Variants in DCC observed in about 807,000 individuals in gnomAD.
DCC encodes netrin receptor DCC.
Under a neutral mutation model 172.5 loss-of-function variants are expected in DCC, and 58 were observed. The ratio of observed to expected loss-of-function variants is 0.34; its 90% CI spans 0.27 to 0.42. DCC has a LOEUF of 0.42. DCC is among the 10% of genes least tolerant of loss of function. DCC has a pLI of 1.00. For synonymous variants in DCC, 709 were observed against 644.5 expected, an observed-to-expected ratio of 1.10 and a Z score of -1.52; for missense variants, 1,740 against 1,791.0, an observed-to-expected ratio of 0.97 and a Z score of 0.51.
At chr18:53,179,263 T>C in intron 9 of DCC, 147 bp downstream of exon 9, 2 of 803,976 alleles carry the variant, frequency 2.5e-6, no homozygotes, top group Non-Finnish European at 2.0e-6. Flanking sequence ...CTCGAGGACT[T>C]TTAAAAGATA....
chr18:53,009,917 A>G, intron 5 of DCC, among the ~76,000 whole-genome samples: 1 of 151,920 alleles, frequency 6.6e-6, no homozygotes, highest in East Asian at 1.9e-4. Flanking sequence ...ATTGTTGAAT[A>G]CCCAGAGTGA....
chr18:52,926,955 C>CA (rs35060059), intron 5 of DCC, among the ~76,000 whole-genome samples: 53,108 of 137,214 alleles, frequency 0.39, 10,936 homozygotes, highest in Non-Finnish European at 0.46. Context: ...GATATATACA[C>CA]TATATATGGA....
At chr18:52,771,788 TC>T (rs2037348443) in intron 2 of DCC, among the ~76,000 whole-genome samples, 1 of 151,082 alleles carries the variant, frequency 6.6e-6, no homozygotes, top group Non-Finnish European at 1.5e-5. Flanking sequence ...CTCTCTCTAG[TC>T]ACCTCTCTCA....
chr18:52,986,894 C>A (rs926967772), intron 5 of DCC, among the ~76,000 whole-genome samples: 5 of 151,676 alleles, frequency 3.3e-5, no homozygotes, highest in Non-Finnish European at 7.4e-5. Flanking sequence ...GTGATCTCAG[C>A]TCACTGCAAC....
chr18:53,522,337 C>T (rs2046408098), intron 27 of DCC, among the ~76,000 whole-genome samples: 1 of 151,666 alleles, frequency 6.6e-6, no homozygotes, highest in Admixed American at 6.6e-5. Context: ...CAGTGAAGAC[C>T]ACCTGACATT....
chr18:53,231,671 G>T (rs930277618), intron 12 of DCC, among the ~76,000 whole-genome samples: 14 of 152,056 alleles, frequency 9.2e-5, no homozygotes, highest in Non-Finnish European at 1.0e-4. Context: ...ATTTAAGGGA[G>T]TATTAATTGG....
At chr18:53,301,446 A>C (rs1327008226) in intron 12 of DCC, among the ~76,000 whole-genome samples, 1 of 151,584 alleles carries the variant, frequency 6.6e-6, no homozygotes, top group Non-Finnish European at 1.5e-5. Context: ...AAAAAAAAAA[A>C]CAAACAAAAA....
chr18:52,723,170 A>G (rs1322599479), intron 1 of DCC, among the ~76,000 whole-genome samples: 1 of 152,132 alleles, frequency 6.6e-6, no homozygotes, highest in Non-Finnish European at 1.5e-5. Context: ...TTTTGTCTGC[A>G]GTGATCTGAA....
At chr18:52,434,045 T>A (rs1333587277) in intron 1 of DCC, among the ~76,000 whole-genome samples, 2 of 152,228 alleles carry the variant, frequency 1.3e-5, no homozygotes, top group Non-Finnish European at 2.9e-5. Context: ...TTTCAATTAT[T>A]GATTAGCAGG....
Position 53,219,041 on chromosome 18 carries a change from T to C in DCC, c.1911+3444T>C, listed in dbSNP as rs1423361648. Among the ~76,000 whole-genome samples the C allele has an allele frequency of 2.0e-5, 3 of 152,136 alleles. 1 individual carries two copies. Among genetic ancestry groups the C allele is most frequent in the Admixed American group, 6.6e-5 (1 of 15,254 alleles). On this transcript the variant is annotated intron_variant, in intron 12 of 28. Coordinates refer to ENST00000442544, the MANE Select transcript of DCC (RefSeq NM_005215.4). ...TCCTTTTATTAACTCTTTGAACCTGTGAAAAGTCACGTGTCTCAGTTTTAT... is the reference window on the plus strand; with the variant it reads ...TCCTTTTATTAACTCTTTGAACCTGCGAAAAGTCACGTGTCTCAGTTTTAT...
chr18:53,423,869 A>G (rs946158000), intron 21 of DCC, among the ~76,000 whole-genome samples: 8 of 152,180 alleles, frequency 5.3e-5, no homozygotes, highest in African/African-American at 9.6e-5. Context: ...TCATAACACA[A>G]ATGTTTGGGG....
At chr18:53,036,793 G>A (rs1280168820) in intron 5 of DCC, among the ~76,000 whole-genome samples, 1 of 151,974 alleles carries the variant, frequency 6.6e-6, no homozygotes, top group African/African-American at 2.4e-5. Flanking sequence ...CAGAGTAGTT[G>A]GTGTAAGCAA....
At chr18:53,358,683 G>A (rs1452489816) in intron 15 of DCC, among the ~76,000 whole-genome samples, 3 of 151,640 alleles carry the variant, frequency 2.0e-5, no homozygotes, top group Non-Finnish European at 4.4e-5. Context: ...ACCACACCAG[G>A]CTAAATTTTT....
At chr18:52,662,932 G>GGAT (rs2144951417) in intron 1 of DCC, among the ~76,000 whole-genome samples, 1 of 152,194 alleles carries the variant, frequency 6.6e-6, no homozygotes, top group South Asian at 2.1e-4. Context: ...CCATTCATGA[G>GGAT]GGCTCCACAA....
At chr18:52,673,640 C>T (rs2035595316) in intron 1 of DCC, among the ~76,000 whole-genome samples, 1 of 152,138 alleles carries the variant, frequency 6.6e-6, no homozygotes, top group South Asian at 2.1e-4. Context: ...AGCTCACCCT[C>T]AAAGAGGGGA....
chr18:52,862,998 A>G (rs78371271), intron 2 of DCC, among the ~76,000 whole-genome samples: 7,950 of 152,164 alleles, frequency 0.052, 276 homozygotes, highest in South Asian at 0.14. Flanking sequence ...TTTTAATAAA[A>G]TTTATTTCAA....
At chr18:53,476,733 A>G (rs913578684) in intron 25 of DCC, among the ~76,000 whole-genome samples, 4 of 152,224 alleles carry the variant, frequency 2.6e-5, no homozygotes, top group African/African-American at 9.6e-5. Context: ...TTAGTGGACC[A>G]GAAGGTACTA....
intron 2 of DCC, among the ~76,000 whole-genome samples, chr18:52,830,367 C>T (rs2038591363): frequency 6.6e-6 from 1 of 152,088 alleles, no homozygotes; most frequent in African/African-American, 2.4e-5. Context: ...TAGTGTGTTC[C>T]AATGAAGCCA....
chr18:52,797,573 T>A (rs1598812472), intron 2 of DCC, among the ~76,000 whole-genome samples: 2 of 152,110 alleles, frequency 1.3e-5, no homozygotes, highest in Non-Finnish European at 2.9e-5. Flanking sequence ...TTAATGGAGG[T>A]TGTGGTAAGA....
Sources: gnomAD v4.1 joint callset for allele counts (sites outside exome capture counted in the v4.1 genomes callset) on GRCh38, gnomAD v4.1.1 for gene constraint, MANE v1.5 for transcripts, NCBI Gene and HGNC (gene_info 2026-07-23, HGNC 2026-07-21) for gene names.